Variants in ANKRD53 observed in about 807,000 individuals in gnomAD.
ANKRD53 encodes the protein ankyrin repeat domain-containing protein 53.
ANKRD53 carries 27 observed loss-of-function variants against 30.1 expected under a neutral mutation model. The observed-to-expected ratio is 0.90, with a 90% confidence interval of 0.66 to 1.24. The LOEUF is 1.24. Ranked by LOEUF, ANKRD53 falls within the 50% of genes most tolerant of loss-of-function variation. The pLI, the probability that ANKRD53 is intolerant of heterozygous loss-of-function variation, is 0.00. For synonymous variants in ANKRD53, 286 were observed against 295.4 expected (o/e 0.97, Z 0.33); for missense variants, 682 against 721.0 (o/e 0.95, Z 0.62).
chr2:70,985,308 A>G lies in ANKRD53; in HGVS notation c.*8A>G. The G allele has an allele frequency of 6.7e-7, 1 of 1,493,424 alleles. No individual in the cohort carries two copies. The highest frequency in any genetic ancestry group is 2.6e-5 in the East Asian group (1 of 38,174). The allele number at this position is 1,493,424 out of a possible 1,614,324, so 92.5% of individuals were successfully genotyped here. ...CCACAAACCAACCCATAAAGTTATT[A>G]TGGCTACCTCTCCCCCTGAGGCAGC... On this transcript the variant is annotated 3_prime_UTR_variant, in exon 6 of 6. Transcript: ENST00000360589.
At position 70,979,215 on chromosome 2, in the gene ANKRD53, G is replaced by C; in HGVS notation, c.289G>C (p.Asp97His). Residue 97 changes from aspartate (D) to histidine (H), a missense_variant, in exon 2 of 6, where the codon GAC (aspartate) becomes CAC (histidine). Physicochemically the swap from Asp to His is moderately conservative, Grantham distance 81 (BLOSUM62 -1). Coordinates refer to ENST00000360589, the MANE Select transcript of ANKRD53 (RefSeq NM_001115116.2). The part of the protein sequence containing the change: ...RADPSPSKES[D>H]QTAIDQTAIG... The stretch of plus-strand genomic sequence containing the variant: ...TGACCCCAGCCCCAGCAAGGAGTCC[G>C]ACCAGACGGCAATCGACCAGACGGC... 6.2e-7 allele frequency: 1 copy of C among 1,613,356 alleles called. No individual in the cohort carries two copies. Among genetic ancestry groups the C allele is most frequent in the Non-Finnish European group, 8.5e-7 (1 of 1,179,998 alleles).
chr2:70,982,232 T>A lies in ANKRD53; in HGVS notation c.782+132T>A, dbSNP rs1558688688. On this transcript the variant is annotated intron_variant, in intron 4 of 5. Transcript: ENST00000360589. This position sits in a 1 kb window ranked among gnomAD's most constrained non-coding sequence, Gnocchi z 4.2. The stretch of plus-strand genomic sequence containing the variant: ...CCAGACAGCTGGAGGATGCGCCTAC[T>A]GCCCAGGATATTTTGGATGAGGCAA... 2.3e-5 allele frequency: 26 copies of A among 1,118,186 alleles called. No homozygotes were observed. The South Asian group carries it at 3.7e-4, about 16-fold the overall frequency. The allele number at this position is 1,118,186 out of a possible 1,614,324, so 69.3% of individuals were successfully genotyped here.
chr2:70,981,108 A>G (rs1669997214), intron 3 of ANKRD53, among the ~76,000 whole-genome samples: 1 of 152,206 alleles, frequency 6.6e-6, no homozygotes, highest in African/African-American at 2.4e-5. Flanking sequence ...TTCAACTGAA[A>G]CTTGGGAGAA....
Position 70,982,542 on chromosome 2 carries a change from G to A in ANKRD53, c.783-35G>A. On this transcript the variant is annotated intron_variant, in intron 4 of 5. Coordinates refer to ENST00000360589, the MANE Select transcript of ANKRD53 (RefSeq NM_001115116.2). This position sits in a 1 kb window ranked among gnomAD's most constrained non-coding sequence, Gnocchi z 4.2. ...CAGCCCAGGTGGAAGCTCTGTCACT[G>A]TGGGATGACACCCCCGCCCTGACCT... is the stretch of plus-strand genomic sequence containing the variant. 6.2e-7 allele frequency: 1 copy of A among 1,611,582 alleles called. No individual in the cohort carries two copies. Among genetic ancestry groups the A allele is most frequent in the African/African-American group, 1.3e-5 (1 of 75,030 alleles).
intron 5 of ANKRD53, chr2:70,984,084 A>AC: frequency 1.3e-6 from 2 of 1,581,448 alleles, no homozygotes. Flanking sequence ...AAGCGTGTCC[A>AC]CATCAGGCCA....
At chr2:70,979,512 A>AAC (rs558211102) in intron 2 of ANKRD53, 149 bp from the exon 3 acceptor site, 45 of 1,390,010 alleles carry the variant, frequency 3.2e-5, no homozygotes, top group South Asian at 1.7e-4. Context: ...TGGGCTGATG[A>AAC]ACACACACTG....
Position 70,984,817 on chromosome 2 carries a change from G to A in ANKRD53, c.1110G>A (p.Met370Ile), listed in dbSNP as rs1553424407. The change falls in exon 6 of 6, where the codon ATG (methionine) becomes ATA (isoleucine). Residue 370 changes from methionine to isoleucine, a missense_variant. By Grantham distance (10) the Met-to-Ile change is conservative (BLOSUM62 1). Transcript: ENST00000360589. ...AATGCATTCCACAGCCCACGGAGAT[G>A]CCCAAGCCCATCTACAGGAAGCCCA... Reference protein sequence around the residue: ...RLQCIPQPTEMPKPIYRKPTV... With the variant: ...RLQCIPQPTEIPKPIYRKPTV... 6.5e-7 allele frequency: 1 copy of A among 1,545,506 alleles called. No homozygotes were observed. Among genetic ancestry groups the A allele is most frequent in the South Asian group, 1.2e-5 (1 of 84,434 alleles).
Position 70,982,966 on chromosome 2 carries a change from T to A in ANKRD53, c.903+269T>A, listed in dbSNP as rs898923233. 9.9e-5 allele frequency among the ~76,000 whole-genome samples: 15 copies of A among 152,242 alleles called. No homozygotes were observed. Among genetic ancestry groups the A allele is most frequent in the African/African-American group, 3.1e-4 (13 of 41,462 alleles). ...TATTTCTGGGCCCCTCCTAGTGTAC[T>A]GCCTCTTTCAGGATGAGAACCTTCA... On this transcript the variant is annotated intron_variant, in intron 5 of 5. Transcript: ENST00000360589. The surrounding 1 kb of genome is among the most constrained non-coding windows in gnomAD (Gnocchi z 4.2).
intron 5 of ANKRD53, 129 bp from the exon 6 acceptor site, chr2:70,984,459 TCCATCAGACTCAGACTTTCCCTC>T (rs1295303076): frequency 2.6e-6 from 4 of 1,522,944 alleles, no homozygotes; most frequent in Non-Finnish European, 3.5e-6. Flanking sequence ...AGGTGTTGCT[TCCATCAGACTCAGACTTTCCCTC>T]CCATCAGACT....
In ANKRD53 at chr2:70,979,185, C is replaced by A. The variant is rs782121746; in HGVS notation, c.259C>A (p.Arg87Ser). The A allele has an allele frequency of 3.1e-6, 5 of 1,612,822 alleles. No homozygotes were observed. Among genetic ancestry groups the A allele is most frequent in the Non-Finnish European group, 4.2e-6 (5 of 1,179,824 alleles). Residue 87 changes from arginine to serine, a missense_variant, in exon 2 of 6, where the codon CGC becomes AGC. Arg to Ser is a moderately radical substitution (Grantham distance 110). Coordinates refer to ENST00000360589, the MANE Select transcript of ANKRD53 (RefSeq NM_001115116.2). ...CCGCCCTGCCTCGCTCACCCCGCCC[C>A]GCGCTGACCCCAGCCCCAGCAAGGA... ...PRRPASLTPP[R>S]ADPSPSKESD...
At position 70,985,093 on chromosome 2, in the gene ANKRD53, T is replaced by A; in HGVS notation, c.1386T>A (p.Arg462=). ...TGCTGCTGCGCATGCTGTACCCACG[T>A]GTATGGCCATACAGAATGAAGGTGC... ...FEVLLRMLYP[R]VWPYRMKVPQ... Residue 462 remains arginine (R), a synonymous_variant, in exon 6 of 6, where the codon CGT becomes CGA. Transcript: ENST00000360589. 3.2e-6 allele frequency: 5 copies of A among 1,550,884 alleles called. No individual in the cohort carries two copies. The highest frequency in any genetic ancestry group is 4.4e-6 in the Non-Finnish European group (5 of 1,147,006).
chr2:70,982,645 T>C lies in ANKRD53; in HGVS notation c.851T>C (p.Met284Thr). 2 of 1,614,052 alleles carry C rather than the reference T, an allele frequency of 1.2e-6. No homozygotes were observed. The highest frequency in any genetic ancestry group is 1.7e-6 in the Non-Finnish European group (2 of 1,179,986). ...DFAREMTKMK[M>T]FKSQLTLMEH... ...GCCCGTGAGATGACGAAAATGAAGA[T>C]GTTCAAGAGCCAGCTGACCCTCATG... is the stretch of plus-strand genomic sequence containing the variant. Residue 284 changes from methionine (M) to threonine (T), a missense_variant, in exon 5 of 6, where the codon ATG (methionine) becomes ACG (threonine). Coordinates refer to ENST00000360589, the MANE Select transcript of ANKRD53 (RefSeq NM_001115116.2). This position sits in a 1 kb window ranked among gnomAD's most constrained non-coding sequence, Gnocchi z 4.2.
rs2104865547 is a variant in ANKRD53, at chr2:70,985,309, T to C, written c.*9T>C. On this transcript the variant is annotated 3_prime_UTR_variant, in exon 6 of 6. Coordinates refer to ENST00000360589, the MANE Select transcript of ANKRD53 (RefSeq NM_001115116.2). ...CACAAACCAACCCATAAAGTTATTA[T>C]GGCTACCTCTCCCCCTGAGGCAGCC... is the stretch of plus-strand genomic sequence containing the variant. 2 of 1,545,314 alleles carry C rather than the reference T, an allele frequency of 1.3e-6. No individual in the cohort carries two copies. Among genetic ancestry groups the C allele is most frequent in the Non-Finnish European group, 1.7e-6 (2 of 1,144,342 alleles).
At chr2:70,980,814 C>T (rs1572933978) in intron 3 of ANKRD53, among the ~76,000 whole-genome samples, 1 of 151,420 alleles carries the variant, frequency 6.6e-6, no homozygotes, top group South Asian at 2.1e-4. Context: ...GGCGTAGTGG[C>T]GGGTGCCTGT....
intron 5 of ANKRD53, 39 bp from the exon 6 acceptor site, chr2:70,984,572 C>G: frequency 3.1e-6 from 5 of 1,598,916 alleles, no homozygotes; most frequent in Non-Finnish European, 4.3e-6. Context: ...CAGAGGGCAG[C>G]AGTCCTCCAT....
chr2:70,979,217 C>G lies in ANKRD53; in HGVS notation c.291C>G (p.Asp97Glu). Reference protein sequence around the residue: ...RADPSPSKESDQTAIDQTAIG... With the variant: ...RADPSPSKESEQTAIDQTAIG... ...ACCCCAGCCCCAGCAAGGAGTCCGACCAGACGGCAATCGACCAGACGGCGA... is the reference window on the plus strand; with the variant it reads ...ACCCCAGCCCCAGCAAGGAGTCCGAGCAGACGGCAATCGACCAGACGGCGA... The change falls in exon 2 of 6, where the codon GAC becomes GAG. Residue 97 changes from aspartate (D) to glutamate (E), a missense_variant. By Grantham distance (45) the Asp-to-Glu change is conservative (BLOSUM62 2). Coordinates refer to ENST00000360589, the MANE Select transcript of ANKRD53 (RefSeq NM_001115116.2). The G allele has an allele frequency of 6.2e-7, 1 of 1,613,386 alleles. No homozygotes were observed. Among genetic ancestry groups the G allele is most frequent in the Middle Eastern group, 1.6e-4 (1 of 6,062 alleles).
chr2:70,979,271 G>A lies in ANKRD53; in HGVS notation c.345G>A (p.Ala115=), dbSNP rs147026593. The change falls in exon 2 of 6, where the codon GCG becomes GCA. Residue 115 remains alanine, a synonymous_variant. Transcript: ENST00000360589. ...AIGSYYQLFA[A]AVGNVEWLRF... Reference sequence around the variant, plus strand: ...GGAGCTACTACCAGCTGTTCGCAGCGGCTGTGGGCAACGTGGAATGGCTGC... The same window carrying A: ...GGAGCTACTACCAGCTGTTCGCAGCAGCTGTGGGCAACGTGGAATGGCTGC... 192 of 1,613,788 alleles carry A rather than the reference G, an allele frequency of 1.2e-4. No homozygotes were observed. The African/African-American group carries it at 2.4e-3, about 20-fold the overall frequency.
chr2:70,980,765 A>G (rs10206774), intron 3 of ANKRD53, among the ~76,000 whole-genome samples: 50,752 of 151,908 alleles, frequency 0.33, 9,600 homozygotes, highest in African/African-American at 0.51. Flanking sequence ...CTAACATGGT[A>G]AAACCCCGTC....
chr2:70,984,199 C>G (rs995637201), intron 5 of ANKRD53: 16 of 1,614,106 alleles, frequency 9.9e-6, no homozygotes, highest in Middle Eastern at 3.3e-4. Context: ...CAGGACATTT[C>G]TCTACTATCA....
Sources: gnomAD v4.1 joint callset for allele counts (sites outside exome capture counted in the v4.1 genomes callset) on GRCh38, gnomAD v4.1.1 for gene constraint, Gnocchi (gnomAD v3.1) non-coding constraint, MANE v1.5 for transcripts, NCBI Gene and HGNC (gene_info 2026-07-23, HGNC 2026-07-21) for gene names.